The following ANKRD18B variants were observed in gnomAD, a reference collection of about 807,000 sequenced individuals.
ANKRD18B encodes ankyrin repeat domain 18B, also known as ankyrin repeat domain-containing protein 18B.
Under a neutral mutation model 111.8 loss-of-function variants are expected in ANKRD18B, and 75 were observed. The ratio of observed to expected loss-of-function variants is 0.67; its 90% CI spans 0.56 to 0.81. The LOEUF (loss-of-function observed/expected upper bound fraction) is 0.81, where lower values mean the gene tolerates loss of function less well. Ranked by LOEUF, ANKRD18B falls within the 40% of genes least tolerant of loss-of-function variation. The pLI is 0.00. For synonymous variants in ANKRD18B, 356 were observed against 417.3 expected (o/e 0.85, Z 1.79); for missense variants, 1,038 against 1,225.5 (o/e 0.85, Z 2.28).
Position 33,543,252 on chromosome 9 carries a change from G to C in ANKRD18B, c.1146G>C (p.Pro382=), listed in dbSNP as rs1304072736. ...ERLERSENKQ[P]QDSQSYGKKK... is the part of the protein sequence containing the mutation. ...TTGAAAGAAGTGAAAATAAACAGCCGCAGGTATATAACAATTTAAATTTCT... is the reference window on the plus strand; with the variant it reads ...TTGAAAGAAGTGAAAATAAACAGCCCCAGGTATATAACAATTTAAATTTCT... Residue 382 remains proline, a synonymous_variant, in exon 10 of 19, where the codon CCG becomes CCC. Transcript: ENST00000684830. The C allele has an allele frequency of 1.7e-5, 27 of 1,548,796 alleles. 1 individual carries two copies. Among genetic ancestry groups the C allele is most frequent in the Non-Finnish European group, 2.4e-5 (27 of 1,145,182 alleles).
rs745540260 is a variant in ANKRD18B, at chr9:33,548,143, C to CA, written c.1362dup (p.Val455SerfsTer9). ...GTAAGACTCAATGAAGAAATGATAA[C>CA]AAAAAAAGTGGCCCAGTATTCGCAA... On this transcript the variant is annotated frameshift_variant, in exon 11 of 19. Coordinates refer to ENST00000684830, the MANE Select transcript of ANKRD18B (RefSeq NM_001393611.1). LOFTEE classifies it high-confidence loss of function. 3 of 1,533,354 alleles carry CA rather than the reference C, an allele frequency of 2.0e-6. No homozygotes were observed. Among genetic ancestry groups the CA allele is most frequent in the Non-Finnish European group, 2.6e-6 (3 of 1,140,724 alleles). 95.0% of individuals were successfully genotyped at this position (1,533,354 alleles called of 1,614,324 possible). A position where few individuals can be genotyped will look rare whatever the true frequency, so the allele number is the denominator to read the frequency against.
In ANKRD18B at chr9:33,528,800, A is replaced by C; in HGVS notation, c.280A>C (p.Ile94Leu). 4 of 1,612,922 alleles carry C rather than the reference A, an allele frequency of 2.5e-6. No homozygotes were observed. The highest frequency in any genetic ancestry group is 3.4e-6 in the Non-Finnish European group (4 of 1,179,408). The change falls in exon 2 of 19, where the codon ATC becomes CTC. Residue 94 changes from isoleucine (I) to leucine (L), a missense_variant. Physicochemically the swap from Ile to Leu is conservative, Grantham distance 5. Transcript: ENST00000684830. ...VTLLLDRKCQ[I>L]NICDRLNRTP... ...TCTCTTGCTGGACAGAAAATGCCAG[A>C]TCAACATCTGTGACAGACTAAACAG... is the stretch of plus-strand genomic sequence containing the variant.
Position 33,550,318 on chromosome 9 carries a change from G to C in ANKRD18B, c.2068-112G>C, listed in dbSNP as rs911157534. The C allele has an allele frequency of 8.5e-5, 96 of 1,135,200 alleles. No homozygotes were observed. The Admixed American group carries it at 2.7e-3, about 32-fold the overall frequency. The allele number at this position is 1,135,200 out of a possible 1,614,324, so 70.3% of individuals were successfully genotyped here. A position where few individuals can be genotyped will look rare whatever the true frequency, so the allele number is the denominator to read the frequency against. ...AAAGTGTACATATGAGGAAAAGAAAGTGAATCTGTGTGTGTGGTAATAATT... is the reference window on the plus strand; with the variant it reads ...AAAGTGTACATATGAGGAAAAGAAACTGAATCTGTGTGTGTGGTAATAATT... On this transcript the variant is annotated intron_variant, in intron 11 of 18. Transcript: ENST00000684830.
chr9:33,562,018 G>C (rs1474136872), intron 14 of ANKRD18B, among the ~76,000 whole-genome samples: 1 of 151,976 alleles, frequency 6.6e-6, no homozygotes, highest in African/African-American at 2.4e-5. Context: ...TGTCTCAAAG[G>C]AGTCTGTGGC....
chr9:33,530,423 C>A (rs1828094949), intron 3 of ANKRD18B, among the ~76,000 whole-genome samples: 1 of 150,114 alleles, frequency 6.7e-6, no homozygotes. Context: ...CTGAGGCGGG[C>A]AGATCACGAG....
Position 33,566,249 on chromosome 9 carries a change from G to A in ANKRD18B, c.2491G>A (p.Val831Ile). ...TGATCTTATGGCCGAGAAGGAAGCT[G>A]TATCTTCAAAATGTGTCAATTTGGC... ...FDDLMAEKEA[V>I]SSKCVNLAKD... Residue 831 changes from valine (V) to isoleucine (I), a missense_variant, in exon 15 of 19, where the codon GTA becomes ATA. By Grantham distance (29) the Val-to-Ile change is conservative (BLOSUM62 3). This residue lies in a region of ANKRD18B where 524 missense variants were observed against 677.9 expected (regional missense o/e 0.77). Coordinates refer to ENST00000684830, the MANE Select transcript of ANKRD18B (RefSeq NM_001393611.1). The A allele has an allele frequency of 6.4e-6, 10 of 1,558,412 alleles. No individual in the cohort carries two copies. Among genetic ancestry groups the A allele is most frequent in the African/African-American group, 1.4e-5 (1 of 73,286 alleles).
chr9:33,531,027 T>C (rs1348053844), intron 3 of ANKRD18B, among the ~76,000 whole-genome samples: 2 of 152,224 alleles, frequency 1.3e-5, no homozygotes, highest in African/African-American at 4.8e-5. Flanking sequence ...TATCTCAGTA[T>C]GTCTGTTAAG....
chr9:33,546,442 T>G (rs1828356490), intron 10 of ANKRD18B, among the ~76,000 whole-genome samples: 1 of 152,148 alleles, frequency 6.6e-6, no homozygotes. Flanking sequence ...TATGGTAGGT[T>G]TTGACATGTA....
chr9:33,535,512 C>A (rs1411257287), intron 5 of ANKRD18B, among the ~76,000 whole-genome samples: 1 of 151,752 alleles, frequency 6.6e-6, no homozygotes, highest in Admixed American at 6.6e-5. Flanking sequence ...TGGTCTCGAT[C>A]TCCTGACCTT....
chr9:33,548,363 A>T lies in ANKRD18B; in HGVS notation c.1575A>T (p.Arg525Ser). ...LVLWRADDVS[R>S]HETMGSNISQ... is the part of the protein sequence containing the mutation. Reference sequence around the variant, plus strand: ...TATGGAGAGCAGATGATGTTTCTAGACATGAAACAATGGGTTCTAATATTT... The same window carrying T: ...TATGGAGAGCAGATGATGTTTCTAGTCATGAAACAATGGGTTCTAATATTT... The change falls in exon 11 of 19, where the codon AGA (arginine) becomes AGT (serine). Residue 525 changes from arginine to serine, a missense_variant. This residue lies in a region of ANKRD18B where 524 missense variants were observed against 677.9 expected (regional missense o/e 0.77). Coordinates refer to ENST00000684830, the MANE Select transcript of ANKRD18B (RefSeq NM_001393611.1). 6.5e-7 allele frequency: 1 copy of T among 1,550,158 alleles called. No homozygotes were observed. Among genetic ancestry groups the T allele is most frequent in the African/African-American group, 1.4e-5 (1 of 73,048 alleles).
Position 33,548,472 on chromosome 9 carries a change from C to G in ANKRD18B, c.1684C>G (p.Arg562Gly), listed in dbSNP as rs142735406. ...GTTCAATACCTTAAAAGGTAAGCTC[C>G]GTGAGACAAGAGATGCTCTCAGGGA... ...VKFNTLKGKLRETRDALREKT... is the reference protein window; with the variant it reads ...VKFNTLKGKLGETRDALREKT... The change falls in exon 11 of 19, where the codon CGT becomes GGT. Residue 562 changes from arginine to glycine, a missense_variant. By Grantham distance (125) the Arg-to-Gly change is moderately radical (BLOSUM62 -2). Around this residue, in one of 4 missense-constraint regions of ANKRD18B, gnomAD observed 524 missense variants for 677.9 expected, o/e 0.77. Transcript: ENST00000684830. 3.2e-6 allele frequency: 5 copies of G among 1,551,142 alleles called. No individual in the cohort carries two copies. Among genetic ancestry groups the G allele is most frequent in the Non-Finnish European group, 4.4e-6 (5 of 1,146,654 alleles).
At chr9:33,553,892 A>G (rs1156449100) in intron 12 of ANKRD18B, among the ~76,000 whole-genome samples, 1 of 151,910 alleles carries the variant, frequency 6.6e-6, no homozygotes, top group Non-Finnish European at 1.5e-5. Context: ...AGCCTGGCCA[A>G]CGTGGTGAAA....
At chr9:33,538,126 G>C (rs756174673) in intron 6 of ANKRD18B, among the ~76,000 whole-genome samples, 3 of 152,122 alleles carry the variant, frequency 2.0e-5, no homozygotes, top group Non-Finnish European at 4.4e-5. Flanking sequence ...GAAAGTAACT[G>C]TCTTTAGAAC....
chr9:33,553,357 G>C (rs1247354571), intron 12 of ANKRD18B, among the ~76,000 whole-genome samples: 1 of 152,094 alleles, frequency 6.6e-6, no homozygotes, highest in Non-Finnish European at 1.5e-5. Flanking sequence ...AACAGAGCAA[G>C]CTCTGTCTCA....
intron 1 of ANKRD18B, among the ~76,000 whole-genome samples, chr9:33,525,013 C>T (rs558088692): frequency 1.1e-4 from 16 of 152,282 alleles, no homozygotes; most frequent in Non-Finnish European, 2.1e-4. Flanking sequence ...TCAGATAAAA[C>T]CCTGTGTCGG....
intron 12 of ANKRD18B, among the ~76,000 whole-genome samples, chr9:33,554,342 A>C (rs951842147): frequency 1.3e-5 from 2 of 152,190 alleles, no homozygotes; most frequent in African/African-American, 4.8e-5. Flanking sequence ...CTATCTACAA[A>C]AGTAATCTGC....
intron 18 of ANKRD18B, chr9:33,572,040 T>G: frequency 2.3e-6 from 1 of 427,046 alleles, no homozygotes; most frequent in Non-Finnish European, 4.2e-6. Flanking sequence ...AGGTGGACCA[T>G]GCCATCTTCA....
chr9:33,532,177 T>C (rs1828127329), intron 3 of ANKRD18B, among the ~76,000 whole-genome samples: 1 of 151,898 alleles, frequency 6.6e-6, no homozygotes, highest in Non-Finnish European at 1.5e-5. Context: ...GAGCTTGCAG[T>C]GAGCAGAGAT....
In ANKRD18B at chr9:33,527,009, A is replaced by G. The variant is rs1828033850; in HGVS notation, c.207-1718A>G. Among the ~76,000 whole-genome samples, 4 of 152,190 alleles carry G rather than the reference A, an allele frequency of 2.6e-5. No individual in the cohort carries two copies. The South Asian group carries it at 8.3e-4, about 32-fold the overall frequency. Reference sequence around the variant, plus strand: ...GCACTATCTCTCAGGATGCTTCCATACTTAAAAACTTTATGTTTACCTGTT... The same window carrying G: ...GCACTATCTCTCAGGATGCTTCCATGCTTAAAAACTTTATGTTTACCTGTT... On this transcript the variant is annotated intron_variant, in intron 1 of 18. Coordinates refer to ENST00000684830, the MANE Select transcript of ANKRD18B (RefSeq NM_001393611.1).
Sources: allele counts gnomAD v4.1 joint callset (sites outside exome capture counted in the v4.1 genomes callset), GRCh38; gene constraint gnomAD v4.1.1; regional missense constraint gnomAD v4.1.1; transcripts MANE v1.5; gene names NCBI Gene and HGNC (gene_info 2026-07-23, HGNC 2026-07-21).